The following GABRG3 variants were observed in gnomAD, a reference collection of about 807,000 sequenced individuals.
The protein encoded by GABRG3 is gamma-aminobutyric acid receptor subunit gamma-3.
Under a neutral mutation model 48.8 loss-of-function variants are expected in GABRG3, and 25 were observed. The observed-to-expected ratio is 0.51, with a 90% CI of 0.37 to 0.72. GABRG3 has a LOEUF of 0.72. Among genes scored for constraint, GABRG3 ranks in the 30% least tolerant of loss-of-function variants. The probability of loss-of-function intolerance (pLI) is 0.00; values close to 1 mark genes in which losing one functional copy is unlikely to be tolerated. For missense variants in GABRG3, 394 were observed against 577.9 expected, an observed-to-expected ratio of 0.68 and a Z score of 3.26; for synonymous variants, 227 against 217.6, an observed-to-expected ratio of 1.04 and a Z score of -0.38.
intron 5 of GABRG3, among the ~76,000 whole-genome samples, chr15:27,414,095 T>C (rs1355434380): frequency 2.6e-5 from 4 of 152,232 alleles, no homozygotes; most frequent in South Asian, 2.1e-4. Context: ...AAACACTAGG[T>C]AACCTCTACT....
In GABRG3 at chr15:27,399,370, T is replaced by C. The variant is rs572670407; in HGVS notation, c.574+70482T>C. Among the ~76,000 whole-genome samples, 8 of 152,310 alleles carry C rather than the reference T, an allele frequency of 5.3e-5. No homozygotes were observed. In the South Asian group the frequency reaches 1.7e-3, roughly 32 times the overall value. ...TGCAGAAATGAACACGTGCTTTCTC[T>C]GCTGGACTCAAACCTGTGCTTAAGA... On this transcript the variant is annotated intron_variant, in intron 5 of 9. Transcript: ENST00000615808.
intron 3 of GABRG3, among the ~76,000 whole-genome samples, chr15:27,109,249 A>C (rs1345989126): frequency 1.3e-5 from 2 of 152,202 alleles, no homozygotes; most frequent in Non-Finnish European, 2.9e-5. Flanking sequence ...GAGTTCCCAT[A>C]GAGTCCTTCT....
chr15:27,004,011 G>A (rs560862425), intron 2 of GABRG3, among the ~76,000 whole-genome samples: 13 of 149,700 alleles, frequency 8.7e-5, no homozygotes, highest in South Asian at 2.1e-4. Context: ...CGGACGGGGC[G>A]GCTGTCCGGG....
At chr15:27,250,011 T>C (rs1018091809) in intron 3 of GABRG3, among the ~76,000 whole-genome samples, 2 of 152,056 alleles carry the variant, frequency 1.3e-5, no homozygotes, top group East Asian at 3.9e-4. Context: ...CACGCACAGG[T>C]GGGAGGGGAA....
intron 3 of GABRG3, among the ~76,000 whole-genome samples, chr15:27,181,846 C>T (rs546109622): frequency 4.1e-4 from 62 of 152,176 alleles, no homozygotes; most frequent in African/African-American, 1.4e-3. Context: ...TCCTGTCAAA[C>T]TCTACCAGAT....
chr15:27,057,031 G>A (rs1896560612), intron 3 of GABRG3, among the ~76,000 whole-genome samples: 1 of 152,110 alleles, frequency 6.6e-6, no homozygotes, highest in African/African-American at 2.4e-5. Context: ...TCAGAGACAG[G>A]GTGTGGAGTA....
chr15:27,397,309 C>T (rs533574754), intron 5 of GABRG3, among the ~76,000 whole-genome samples: 67 of 151,668 alleles, frequency 4.4e-4, no homozygotes, highest in African/African-American at 1.5e-3. Flanking sequence ...AATCCTGATA[C>T]ATAGGGAAAC....
At chr15:27,202,029 T>A (rs1469162880) in intron 3 of GABRG3, among the ~76,000 whole-genome samples, 2 of 152,172 alleles carry the variant, frequency 1.3e-5, no homozygotes, top group Non-Finnish European at 2.9e-5. Context: ...TTCAGCAGCA[T>A]TTCATTGCCA....
At chr15:27,233,135 G>C (rs977901617) in intron 3 of GABRG3, among the ~76,000 whole-genome samples, 1 of 152,158 alleles carries the variant, frequency 6.6e-6, no homozygotes, top group South Asian at 2.1e-4. Context: ...GGTCATGTGA[G>C]AGCCTTGGCT....
intron 3 of GABRG3, among the ~76,000 whole-genome samples, chr15:27,325,497 T>TTGCC (rs1721347908): frequency 2.0e-5 from 3 of 152,210 alleles, no homozygotes; most frequent in Admixed American, 2.0e-4. Context: ...AAGACTCACA[T>TTGCC]TGCCTGTTCC....
intron 3 of GABRG3, among the ~76,000 whole-genome samples, chr15:27,034,195 G>T (rs1333272915): frequency 6.6e-6 from 1 of 152,154 alleles, no homozygotes; most frequent in African/African-American, 2.4e-5. Flanking sequence ...TTCTCGAAAA[G>T]CATACAACTG....
chr15:27,099,055 C>T (rs1336286046), intron 3 of GABRG3, among the ~76,000 whole-genome samples: 13 of 152,302 alleles, frequency 8.5e-5, no homozygotes, highest in Non-Finnish European at 1.5e-5. Context: ...ACAGGAAAGA[C>T]ACCCTTGAAT....
At chr15:27,094,923 A>G (rs1345519852) in intron 3 of GABRG3, among the ~76,000 whole-genome samples, 1 of 152,210 alleles carries the variant, frequency 6.6e-6, no homozygotes, top group Non-Finnish European at 1.5e-5. Flanking sequence ...ATTTACACTG[A>G]GAATAGCATT....
chr15:27,014,349 T>A (rs528323553), intron 2 of GABRG3, among the ~76,000 whole-genome samples: 152 of 151,984 alleles, frequency 1.0e-3, no homozygotes, highest in Non-Finnish European at 1.7e-3. Flanking sequence ...TTCTTTATTT[T>A]TTTTTTTTTA....
chr15:27,086,021 A>G (rs1897070442), intron 3 of GABRG3, among the ~76,000 whole-genome samples: 1 of 152,212 alleles, frequency 6.6e-6, no homozygotes, highest in Non-Finnish European at 1.5e-5. Flanking sequence ...TCAACGTAAG[A>G]ACTTCCTGTT....
chr15:27,407,175 C>G (rs911979059), intron 5 of GABRG3, among the ~76,000 whole-genome samples: 1 of 152,146 alleles, frequency 6.6e-6, no homozygotes. Flanking sequence ...ATCCACCCAA[C>G]TTGGCCTCCC....
chr15:27,426,729 G>T (rs1888305086), intron 5 of GABRG3, among the ~76,000 whole-genome samples: 1 of 152,208 alleles, frequency 6.6e-6, no homozygotes, highest in Admixed American at 6.5e-5. Context: ...CTACTCAGGA[G>T]GCTGAGGCAG....
At chr15:27,207,564 C>A (rs1193943741) in intron 3 of GABRG3, among the ~76,000 whole-genome samples, 1 of 152,164 alleles carries the variant, frequency 6.6e-6, no homozygotes, top group Non-Finnish European at 1.5e-5. Context: ...TGTCCACTGA[C>A]AACTGATGGA....
At chr15:27,344,566 A>G (rs1286857274) in intron 5 of GABRG3, among the ~76,000 whole-genome samples, 2 of 152,202 alleles carry the variant, frequency 1.3e-5, no homozygotes, top group African/African-American at 4.8e-5. Flanking sequence ...TGTAATTTTT[A>G]TAATAAAGTT....
Sources: gnomAD v4.1 joint callset for allele counts (sites outside exome capture counted in the v4.1 genomes callset) on GRCh38, gnomAD v4.1.1 for gene constraint, MANE v1.5 for transcripts, NCBI Gene and HGNC (gene_info 2026-07-23, HGNC 2026-07-21) for gene names.